ADARB2: variants seen among roughly 807,000 people sequenced by gnomAD.
The protein encoded by ADARB2 is inactive double-stranded RNA-specific editase B2.
Under a neutral mutation model 62.2 loss-of-function variants are expected in ADARB2, and 25 were observed. The observed-to-expected ratio is 0.40, with a 90% confidence interval of 0.29 to 0.56. The LOEUF (loss-of-function observed/expected upper bound fraction) is 0.56. ADARB2 is among the 20% of genes least tolerant of loss of function. The pLI is 0.43. For synonymous variants in ADARB2, 572 were observed against 500.8 expected (o/e 1.14, Z -1.90); for missense variants, 1,071 against 1,077.4 (o/e 0.99, Z 0.08).
At chr10:1,540,847 T>C (rs1192309804) in intron 1 of ADARB2, among the ~76,000 whole-genome samples, 1 of 39,302 alleles carries the variant, frequency 2.5e-5, no homozygotes, top group African/African-American at 9.2e-5. Flanking sequence ...CCTGGATCCG[T>C]CCAGACCCCA....
chr10:1,631,904 CCTT>C (rs1358670739), intron 1 of ADARB2, among the ~76,000 whole-genome samples: 2 of 152,160 alleles, frequency 1.3e-5, no homozygotes, highest in African/African-American at 4.8e-5. Context: ...AAAATTCTCA[CCTT>C]CTTCTTCTGA....
intron 1 of ADARB2, among the ~76,000 whole-genome samples, chr10:1,441,578 G>T (rs1442769852): frequency 1.3e-5 from 2 of 152,082 alleles, no homozygotes; most frequent in African/African-American, 4.8e-5. Context: ...TATGAAGTAG[G>T]TATTACTCTT....
chr10:1,710,701 G>A (rs527625637), intron 1 of ADARB2, among the ~76,000 whole-genome samples: 1 of 152,318 alleles, frequency 6.6e-6, no homozygotes, highest in South Asian at 2.1e-4. Flanking sequence ...GAATGCCGTT[G>A]GGCACCTGAC....
chr10:1,698,304 C>T (rs1263207567), intron 1 of ADARB2, among the ~76,000 whole-genome samples: 3 of 152,190 alleles, frequency 2.0e-5, no homozygotes, highest in Non-Finnish European at 2.9e-5. Flanking sequence ...AACATTGCCA[C>T]CCGTGGAATG....
At position 1,607,458 on chromosome 10, in the gene ADARB2, G is replaced by T. The variant is rs572088400; in HGVS notation, c.100+129593C>A. Among the ~76,000 whole-genome samples the T allele has an allele frequency of 9.8e-5, 15 of 152,288 alleles. No homozygotes were observed. The South Asian group carries it at 2.9e-3, about 30-fold the overall frequency. On this transcript the variant is annotated intron_variant, in intron 1 of 9. Transcript: ENST00000381312. ...CTGAAGTTTCTCATCACCTAATGCT[G>T]TGATCTGCAGCTGAGACACACGTTT...
At chr10:1,480,404 A>T (rs76302547) in intron 1 of ADARB2, among the ~76,000 whole-genome samples, 4,431 of 152,326 alleles carry the variant, frequency 0.029, 152 homozygotes, top group East Asian at 0.14. Flanking sequence ...AAAGGAAATT[A>T]AGAAAAAGTT....
chr10:1,510,118 T>TTC (rs1424839254), intron 1 of ADARB2, among the ~76,000 whole-genome samples: 1 of 64,808 alleles, frequency 1.5e-5, no homozygotes, highest in African/African-American at 6.1e-5. Context: ...CTCTCTTTCT[T>TTC]TCTTTCTTTC....
chr10:1,444,327 A>G (rs1264892922), intron 1 of ADARB2, among the ~76,000 whole-genome samples: 3 of 115,164 alleles, frequency 2.6e-5, no homozygotes, highest in African/African-American at 1.1e-4. Flanking sequence ...TCATCCTTCC[A>G]TCCACCCAGC....
intron 1 of ADARB2, among the ~76,000 whole-genome samples, chr10:1,460,110 G>GTGTAA (rs1831152725): frequency 2.0e-5 from 1 of 48,910 alleles, no homozygotes; most frequent in African/African-American, 7.4e-5. Flanking sequence ...GAGTTTACCT[G>GTGTAA]CGTTACGAAC....
At chr10:1,622,834 T>C (rs10794773) in intron 1 of ADARB2, among the ~76,000 whole-genome samples, 110,662 of 152,004 alleles carry the variant, frequency 0.73, 40,483 homozygotes, top group African/African-American at 0.81. Flanking sequence ...GGCACCCACC[T>C]CGGAGGAATG....
intron 1 of ADARB2, among the ~76,000 whole-genome samples, chr10:1,525,964 C>T (rs1211542096): frequency 6.7e-6 from 1 of 149,088 alleles, no homozygotes; most frequent in Non-Finnish European, 1.5e-5. Flanking sequence ...TGCGTGTGTG[C>T]TTATGTGCGT....
chr10:1,711,565 G>C (rs571042923), intron 1 of ADARB2, among the ~76,000 whole-genome samples: 4 of 152,296 alleles, frequency 2.6e-5, no homozygotes, highest in African/African-American at 9.6e-5. Context: ...AGAAGAAAAC[G>C]TGAGAATAAC....
chr10:1,538,510 T>C (rs1324093597), intron 1 of ADARB2, among the ~76,000 whole-genome samples: 1 of 152,176 alleles, frequency 6.6e-6, no homozygotes, highest in Non-Finnish European at 1.5e-5. Flanking sequence ...GTGTGAGTTA[T>C]CTCAGAGGAT....
chr10:1,640,914 G>C (rs911341547), intron 1 of ADARB2, among the ~76,000 whole-genome samples: 3 of 152,154 alleles, frequency 2.0e-5, no homozygotes, highest in African/African-American at 7.2e-5. Context: ...ATCCCGGCTG[G>C]ACAAAGCTGC....
At chr10:1,306,573 T>G (rs1388842972) in intron 3 of ADARB2, among the ~76,000 whole-genome samples, 1 of 150,952 alleles carries the variant, frequency 6.6e-6, no homozygotes, top group Non-Finnish European at 1.5e-5. Context: ...AAAGTTCATA[T>G]GGAACCAAAA....
intron 1 of ADARB2, among the ~76,000 whole-genome samples, chr10:1,454,469 G>T (rs1342315314): frequency 6.6e-6 from 1 of 152,194 alleles, no homozygotes; most frequent in African/African-American, 2.4e-5. Context: ...AATGTGCAAA[G>T]AAAATGTGGA....
intron 1 of ADARB2, among the ~76,000 whole-genome samples, chr10:1,559,639 C>T (rs1042942370): frequency 2.6e-4 from 39 of 152,164 alleles, no homozygotes; most frequent in African/African-American, 9.2e-4. Flanking sequence ...GTGCTGAGGT[C>T]AGCGGTGGAG....
intron 4 of ADARB2, among the ~76,000 whole-genome samples, chr10:1,257,327 G>A (rs1831088887): frequency 6.6e-6 from 1 of 152,140 alleles, no homozygotes; most frequent in African/African-American, 2.4e-5. Flanking sequence ...CCCCTTCTCT[G>A]CCCTCCACTG....
intron 3 of ADARB2, among the ~76,000 whole-genome samples, chr10:1,330,853 G>C (rs112149772): frequency 0.039 from 5,976 of 152,292 alleles, 137 homozygotes; most frequent in South Asian, 0.098. Context: ...TCATATATCT[G>C]ATGAGGCACT....
Sources: allele counts gnomAD v4.1 joint callset (sites outside exome capture counted in the v4.1 genomes callset), GRCh38; gene constraint gnomAD v4.1.1; transcripts MANE v1.5; gene names NCBI Gene and HGNC (gene_info 2026-07-23, HGNC 2026-07-21).